The following CLDN10 variants were observed in gnomAD, a reference collection of about 807,000 sequenced individuals.
CLDN10 encodes claudin 10, also known as claudin-10.
Under a neutral mutation model 22.9 loss-of-function variants are expected in CLDN10, and 15 were observed. That is an observed-to-expected ratio of 0.65 (90% CI 0.44 to 1.01). The LOEUF is 1.01. Among genes scored for constraint, CLDN10 ranks in the 50% least tolerant of loss-of-function variants. The probability of loss-of-function intolerance (pLI) is 0.00; values close to 1 mark genes in which losing one functional copy is unlikely to be tolerated. For synonymous variants in CLDN10, 114 were observed against 111.4 expected, an observed-to-expected ratio of 1.02 and a Z score of -0.15; for missense variants, 247 against 287.8, an observed-to-expected ratio of 0.86 and a Z score of 1.03.
chr13:95,578,543 C>A lies in CLDN10; in HGVS notation c.*529C>A, dbSNP rs542824035. The stretch of plus-strand genomic sequence containing the variant: ...ACAACATTTATTTAAAAAGGTAAAT[C>A]TTTTTGTTGAAGCAGCAAGTTATCT... On this transcript the variant is annotated 3_prime_UTR_variant, in exon 5 of 5. Coordinates refer to ENST00000299339, the MANE Select transcript of CLDN10 (RefSeq NM_006984.5). 3 of 152,202 alleles carry A rather than the reference C, an allele frequency of 2.0e-5. No homozygotes were observed. Among genetic ancestry groups the A allele is most frequent in the South Asian group, 2.1e-4 (1 of 4,822 alleles). 9.4% of individuals were successfully genotyped at this position (152,202 alleles called of 1,614,324 possible).
intron 3 of CLDN10, among the ~76,000 whole-genome samples, chr13:95,563,392 T>C (rs778029496): frequency 6.6e-6 from 1 of 152,160 alleles, no homozygotes; most frequent in Non-Finnish European, 1.5e-5. Context: ...CTTAAAAATA[T>C]AACACCTACA....
At chr13:95,458,270 C>T (rs1594532211) in intron 1 of CLDN10, among the ~76,000 whole-genome samples, 3 of 152,110 alleles carry the variant, frequency 2.0e-5, no homozygotes, top group Non-Finnish European at 4.4e-5. Context: ...AAATAGCCTC[C>T]GTGTTTTTGT....
chr13:95,434,544 T>C (rs200650418), intron 1 of CLDN10, among the ~76,000 whole-genome samples: 14,671 of 148,722 alleles, frequency 0.099, 975 homozygotes, highest in South Asian at 0.24. Context: ...CACACGTGTG[T>C]ATATATATAT....
At chr13:95,493,684 C>T (rs545399397) in intron 1 of CLDN10, among the ~76,000 whole-genome samples, 3 of 152,094 alleles carry the variant, frequency 2.0e-5, no homozygotes, top group African/African-American at 2.4e-5. Context: ...CTCAGTCTCC[C>T]GAGTAGCTGG....
chr13:95,545,116 G>T (rs2043495143), intron 1 of CLDN10, among the ~76,000 whole-genome samples: 1 of 151,972 alleles, frequency 6.6e-6, no homozygotes, highest in Admixed American at 6.6e-5. Flanking sequence ...TTCTAATTCA[G>T]ATTTTTCTTC....
chr13:95,553,781 C>G (rs1172857318), intron 1 of CLDN10, among the ~76,000 whole-genome samples: 1 of 152,114 alleles, frequency 6.6e-6, no homozygotes, highest in African/African-American at 2.4e-5. Flanking sequence ...GTTAGTCAGG[C>G]CTTATGCTGG....
At chr13:95,442,816 C>T (rs1415857512) in intron 1 of CLDN10, among the ~76,000 whole-genome samples, 1 of 152,218 alleles carries the variant, frequency 6.6e-6, no homozygotes, top group Non-Finnish European at 1.5e-5. Flanking sequence ...TAGACTCAAT[C>T]TTCTCATTTG....
chr13:95,530,160 G>C (rs1199348604), intron 1 of CLDN10, among the ~76,000 whole-genome samples: 2 of 151,914 alleles, frequency 1.3e-5, no homozygotes, highest in Non-Finnish European at 2.9e-5. Flanking sequence ...TAATCACTTT[G>C]ACAGGGGGGA....
At chr13:95,501,741 A>G (rs1329717597) in intron 1 of CLDN10, among the ~76,000 whole-genome samples, 1 of 152,148 alleles carries the variant, frequency 6.6e-6, no homozygotes, top group Non-Finnish European at 1.5e-5. Flanking sequence ...CTAGTCTAAT[A>G]ATCTCTGCCT....
chr13:95,447,872 C>T (rs1264511978), intron 1 of CLDN10, among the ~76,000 whole-genome samples: 1 of 152,004 alleles, frequency 6.6e-6, no homozygotes, highest in Non-Finnish European at 1.5e-5. Flanking sequence ...GTGTGGAGCC[C>T]GAGAAAGAGT....
chr13:95,504,412 A>G (rs1029778005), intron 1 of CLDN10, among the ~76,000 whole-genome samples: 1 of 152,148 alleles, frequency 6.6e-6, no homozygotes, highest in Non-Finnish European at 1.5e-5. Flanking sequence ...ACAGAGTCTC[A>G]CTCTGTCACC....
At chr13:95,469,996 T>C (rs1203486579) in intron 1 of CLDN10, among the ~76,000 whole-genome samples, 1 of 152,204 alleles carries the variant, frequency 6.6e-6, no homozygotes, top group African/African-American at 2.4e-5. Context: ...AAATAATTTC[T>C]AAAGTCTCGA....
chr13:95,479,810 G>A (rs1046146025), intron 1 of CLDN10: 2 of 152,180 alleles, frequency 1.3e-5, no homozygotes, highest in East Asian at 1.9e-4. Flanking sequence ...AGCACTGTCT[G>A]TATGTACAGC....
intron 1 of CLDN10, among the ~76,000 whole-genome samples, chr13:95,451,726 G>A (rs1279587328): frequency 6.6e-6 from 1 of 152,148 alleles, no homozygotes; most frequent in Non-Finnish European, 1.5e-5. Flanking sequence ...TCCCTTGCCT[G>A]GAAGAGCACC....
rs1000405214 is a variant in CLDN10, at chr13:95,568,958, C to G, written c.465-8273C>G. On this transcript the variant is annotated intron_variant, in intron 3 of 4. Coordinates refer to ENST00000299339, the MANE Select transcript of CLDN10 (RefSeq NM_006984.5). ...TAGCTGTGTAACTTTGAAGAAGTTA[C>G]TTACCCTTTCTGTGCCCAGTGCCCT... is the stretch of plus-strand genomic sequence containing the variant. Among the ~76,000 whole-genome samples the G allele has an allele frequency of 2.6e-5, 4 of 152,134 alleles. No individual in the cohort carries two copies. The South Asian group carries it at 8.3e-4, about 32-fold the overall frequency.
chr13:95,538,018 A>G (rs1268166847), intron 1 of CLDN10, among the ~76,000 whole-genome samples: 1 of 152,244 alleles, frequency 6.6e-6, no homozygotes, highest in Admixed American at 6.5e-5. Flanking sequence ...CTTTTTATGC[A>G]CCAGTCTAAA....
chr13:95,575,743 GCAGCTGTTC>G (rs758082824), intron 3 of CLDN10, among the ~76,000 whole-genome samples: 8 of 152,188 alleles, frequency 5.3e-5, no homozygotes, highest in Non-Finnish European at 1.2e-4. Flanking sequence ...TTATTCTGTT[GCAGCTGTTC>G]CTTGCCCCAT....
At chr13:95,528,121 T>A (rs904622048) in intron 1 of CLDN10, among the ~76,000 whole-genome samples, 2 of 152,146 alleles carry the variant, frequency 1.3e-5, no homozygotes, top group Admixed American at 1.3e-4. Context: ...CAAGTTGATA[T>A]GGTTTGGCTG....
intron 1 of CLDN10, among the ~76,000 whole-genome samples, chr13:95,441,373 T>C (rs1419254407): frequency 1.3e-5 from 2 of 152,064 alleles, no homozygotes; most frequent in Non-Finnish European, 1.5e-5. Flanking sequence ...TCGTCCTGAG[T>C]AGCTGGGACT....
Sources: gnomAD v4.1 joint callset for allele counts (sites outside exome capture counted in the v4.1 genomes callset) on GRCh38, gnomAD v4.1.1 for gene constraint, MANE v1.5 for transcripts, NCBI Gene and HGNC (gene_info 2026-07-23, HGNC 2026-07-21) for gene names.